Variants in GNAQ observed in about 807,000 individuals in gnomAD.
GNAQ encodes the protein G protein subunit alpha q, also known as guanine nucleotide-binding protein G(q) subunit alpha.
A neutral mutation model predicts 43.9 loss-of-function variants in GNAQ; 8 were observed. That is an observed-to-expected ratio of 0.18 (90% CI 0.11 to 0.33). The LOEUF is 0.33. Ranked by LOEUF, GNAQ falls within the 10% of genes least tolerant of loss-of-function variation. The pLI is 1.00. For missense variants in GNAQ, 158 were observed against 450.8 expected (o/e 0.35, Z 5.88); for synonymous variants, 155 against 170.7 (o/e 0.91, Z 0.71).
intron 1 of GNAQ, among the ~76,000 whole-genome samples, chr9:77,927,511 G>A (rs1422518594): frequency 1.3e-5 from 2 of 151,728 alleles, no homozygotes; most frequent in African/African-American, 4.8e-5. Flanking sequence ...AAGGGCTCTG[G>A]AAAACAATCA....
At chr9:77,812,883 T>C (rs562779039) in intron 3 of GNAQ, among the ~76,000 whole-genome samples, 1 of 151,914 alleles carries the variant, frequency 6.6e-6, no homozygotes, top group East Asian at 1.9e-4. Flanking sequence ...TATACATATA[T>C]ATAAGAATAA....
chr9:77,972,366 TAG>T (rs1210575542), intron 1 of GNAQ, among the ~76,000 whole-genome samples: 10 of 152,110 alleles, frequency 6.6e-5, no homozygotes, highest in Admixed American at 3.3e-4. Flanking sequence ...GGATGCACTG[TAG>T]AGTCTAACAG....
At chr9:78,007,557 A>G (rs939169790) in intron 1 of GNAQ, among the ~76,000 whole-genome samples, 1 of 152,242 alleles carries the variant, frequency 6.6e-6, no homozygotes, top group Non-Finnish European at 1.5e-5. Flanking sequence ...ATGGCCATGC[A>G]TTATTAATTT....
intron 5 of GNAQ, among the ~76,000 whole-genome samples, chr9:77,750,682 C>T (rs1337887217): frequency 1.3e-5 from 2 of 152,124 alleles, no homozygotes; most frequent in South Asian, 2.1e-4. Context: ...ATCCCTCCCT[C>T]CCCTGAAATC....
intron 1 of GNAQ, among the ~76,000 whole-genome samples, chr9:78,023,730 TAAA>T (rs1035979186): frequency 1.3e-5 from 2 of 150,428 alleles, no homozygotes; most frequent in East Asian, 3.9e-4. Context: ...TGATGCTGAT[TAAA>T]AAAAAAATTC....
chr9:77,968,988 C>T (rs564563328), intron 1 of GNAQ, among the ~76,000 whole-genome samples: 3 of 152,322 alleles, frequency 2.0e-5, no homozygotes, highest in Admixed American at 2.0e-4. Context: ...GGTGTGATGG[C>T]GGAGCCAAGA....
chr9:77,762,763 T>G (rs1403174578), intron 5 of GNAQ, among the ~76,000 whole-genome samples: 2 of 151,950 alleles, frequency 1.3e-5, no homozygotes, highest in Admixed American at 1.3e-4. Flanking sequence ...AGAAAGATTC[T>G]TCTGCCTTGG....
chr9:77,793,410 A>C (rs1364392688), intron 5 of GNAQ, among the ~76,000 whole-genome samples: 3 of 152,136 alleles, frequency 2.0e-5, no homozygotes, highest in African/African-American at 7.2e-5. Flanking sequence ...AACTTTATCA[A>C]TCCTATACAT....
At chr9:77,902,642 A>C (rs1229783850) in intron 2 of GNAQ, among the ~76,000 whole-genome samples, 1 of 152,268 alleles carries the variant, frequency 6.6e-6, no homozygotes, top group African/African-American at 2.4e-5. Context: ...ACTGTTATTG[A>C]TAATGAGTTC....
At chr9:77,761,211 C>T (rs560501480) in intron 5 of GNAQ, among the ~76,000 whole-genome samples, 361 of 142,744 alleles carry the variant, frequency 2.5e-3, no homozygotes, top group African/African-American at 9.1e-3. Flanking sequence ...CTCTGCCCAG[C>T]TGCCCCTACT....
chr9:77,771,180 CTA>C (rs1826216907), intron 5 of GNAQ, among the ~76,000 whole-genome samples: 1 of 152,080 alleles, frequency 6.6e-6, no homozygotes, highest in Non-Finnish European at 1.5e-5. Flanking sequence ...AAATTCTATG[CTA>C]TCTCTTTCCT....
intron 5 of GNAQ, among the ~76,000 whole-genome samples, chr9:77,762,927 C>G (rs1826074195): frequency 6.6e-6 from 1 of 151,794 alleles, no homozygotes; most frequent in South Asian, 2.1e-4. Context: ...CATCACCACT[C>G]CCTAATCTCA....
At chr9:77,871,727 T>C (rs966639189) in intron 2 of GNAQ, among the ~76,000 whole-genome samples, 11 of 152,284 alleles carry the variant, frequency 7.2e-5, no homozygotes, top group Admixed American at 2.0e-4. Flanking sequence ...GCTCAAAGTG[T>C]ACTATAAAAA....
chr9:77,999,710 T>C (rs756372820), intron 1 of GNAQ, among the ~76,000 whole-genome samples: 5 of 152,208 alleles, frequency 3.3e-5, no homozygotes, highest in African/African-American at 4.8e-5. Context: ...GAGCTGATGA[T>C]ACATGGATGA....
At chr9:77,913,919 A>C (rs1312495716) in intron 2 of GNAQ, among the ~76,000 whole-genome samples, 1 of 152,198 alleles carries the variant, frequency 6.6e-6, no homozygotes, top group East Asian at 1.9e-4. Flanking sequence ...ATCGAAAAAG[A>C]AAAAAATATC....
chr9:77,981,392 T>A (rs1823366145), intron 1 of GNAQ, among the ~76,000 whole-genome samples: 1 of 152,226 alleles, frequency 6.6e-6, no homozygotes, highest in Non-Finnish European at 1.5e-5. Context: ...AAATATACCT[T>A]CTGAGCACTT....
rs564789255 is a variant in GNAQ, at chr9:77,792,401, T to C, written c.735+2062A>G. On this transcript the variant is annotated intron_variant, in intron 5 of 6. Transcript: ENST00000286548. ...GTTCTTAGTACCTGTACATTGAATG[T>C]CAAGTTACTGTGGGAACTTTAATTA... 5.3e-5 allele frequency among the ~76,000 whole-genome samples: 8 copies of C among 152,284 alleles called. No individual in the cohort carries two copies. The South Asian group carries it at 8.3e-4, about 16-fold the overall frequency.
At chr9:78,029,975 C>G (rs1824029717) in intron 1 of GNAQ, among the ~76,000 whole-genome samples, 1 of 152,102 alleles carries the variant, frequency 6.6e-6, no homozygotes, top group Non-Finnish European at 1.5e-5. Context: ...ACCCTGATCG[C>G]TTGATTCTGA....
intron 1 of GNAQ, among the ~76,000 whole-genome samples, chr9:78,002,141 A>G (rs981331142): frequency 6.6e-6 from 1 of 152,178 alleles, no homozygotes; most frequent in African/African-American, 2.4e-5. Context: ...CATTCCACAT[A>G]ATATTATTCA....
Sources: allele counts gnomAD v4.1 joint callset (sites outside exome capture counted in the v4.1 genomes callset), GRCh38; gene constraint gnomAD v4.1.1; transcripts MANE v1.5; gene names NCBI Gene and HGNC (gene_info 2026-07-23, HGNC 2026-07-21).